Variants in ACVR1 observed in about 807,000 individuals in gnomAD.
ACVR1 encodes activin A receptor type 1.
In ACVR1, 38 loss-of-function variants were observed where a neutral mutation model predicts 57.1. The ratio of observed to expected loss-of-function variants is 0.67; its 90% confidence interval spans 0.51 to 0.87. ACVR1 has a LOEUF of 0.87. Among genes scored for constraint, ACVR1 ranks in the 40% least tolerant of loss-of-function variants. The pLI, the probability that ACVR1 is intolerant of heterozygous loss-of-function variation, is 0.00. For missense variants in ACVR1, 463 were observed against 638.2 expected (o/e 0.73, Z 2.96); for synonymous variants, 212 against 228.1 (o/e 0.93, Z 0.63).
intron 3 of ACVR1, 94 bp downstream of exon 3, chr2:157,799,333 T>G (rs1404346439): frequency 2.4e-6 from 2 of 833,838 alleles, no homozygotes; most frequent in East Asian, 5.1e-5. Context: ...AAAGAGTGTT[T>G]TAAGTTTGAT....
chr2:157,815,888 C>CA (rs1302258364), intron 2 of ACVR1, among the ~76,000 whole-genome samples: 2 of 152,168 alleles, frequency 1.3e-5, no homozygotes, highest in Non-Finnish European at 2.9e-5. Context: ...CCAATGTCAA[C>CA]AGTCATGGCC....
intron 1 of ACVR1, among the ~76,000 whole-genome samples, chr2:157,854,215 AAAG>A (rs1021786140): frequency 7.2e-5 from 11 of 152,072 alleles, no homozygotes; most frequent in South Asian, 2.1e-4. Context: ...AAAAAAAAAA[AAAG>A]AAGCATTTTT....
intron 1 of ACVR1, among the ~76,000 whole-genome samples, chr2:157,855,754 T>C (rs1341597217): frequency 6.6e-6 from 1 of 152,114 alleles, no homozygotes; most frequent in Non-Finnish European, 1.5e-5. Context: ...GTCATTACTG[T>C]CTGAATTATA....
chr2:157,749,670 G>A (rs542471436), intron 9 of ACVR1, among the ~76,000 whole-genome samples: 4 of 152,332 alleles, frequency 2.6e-5, no homozygotes, highest in South Asian at 2.1e-4. Flanking sequence ...ATACGGACCA[G>A]TCCACCTACT....
chr2:157,764,488 G>T (rs1439373170), intron 8 of ACVR1, among the ~76,000 whole-genome samples: 1 of 151,220 alleles, frequency 6.6e-6, no homozygotes, highest in East Asian at 1.9e-4. Context: ...GATTACAAGC[G>T]TGAGCCACCG....
At chr2:157,875,271 A>C (rs1397948311) in intron 1 of ACVR1, among the ~76,000 whole-genome samples, 1 of 152,210 alleles carries the variant, frequency 6.6e-6, no homozygotes, top group Non-Finnish European at 1.5e-5. Context: ...TTGAAACTGC[A>C]GCTAGGAAGA....
intron 1 of ACVR1, among the ~76,000 whole-genome samples, chr2:157,819,229 A>G (rs1688065562): frequency 6.6e-6 from 1 of 152,056 alleles, no homozygotes; most frequent in East Asian, 1.9e-4. Flanking sequence ...TTGACCCTGC[A>G]TGTACTATTG....
intron 7 of ACVR1, among the ~76,000 whole-genome samples, 197 bp downstream of exon 7, chr2:157,770,169 CAG>C (rs538255454): frequency 2.0e-5 from 3 of 152,110 alleles, no homozygotes; most frequent in Non-Finnish European, 4.4e-5. Context: ...TTTCATCATC[CAG>C]AGAGTCTTAA....
chr2:157,871,611 G>A (rs1225183954), intron 1 of ACVR1, among the ~76,000 whole-genome samples: 1 of 152,204 alleles, frequency 6.6e-6, no homozygotes, highest in Non-Finnish European at 1.5e-5. Context: ...TGGAATGTTG[G>A]TCAGAGAGTG....
chr2:157,855,269 AGTGTGTGTGT>A (rs532193935), intron 1 of ACVR1, among the ~76,000 whole-genome samples: 9,206 of 85,076 alleles, frequency 0.11, 644 homozygotes, highest in East Asian at 0.26. Context: ...AAAAAAAAAA[AGTGTGTGTGT>A]GTGTGTGTGT....
chr2:157,853,297 A>C (rs141189218), intron 1 of ACVR1, among the ~76,000 whole-genome samples: 90 of 152,324 alleles, frequency 5.9e-4, no homozygotes, highest in African/African-American at 2.0e-3. Context: ...GCCTAGTGTC[A>C]GGTTCTAGTG....
At position 157,865,636 on chromosome 2, in the gene ACVR1, T is replaced by C. The variant is rs1232312348; in HGVS notation, c.-183+10160A>G. On this transcript the variant is annotated intron_variant, in intron 1 of 10. Coordinates refer to ENST00000434821, the MANE Select transcript of ACVR1 (RefSeq NM_001111067.4). The stretch of plus-strand genomic sequence containing the variant: ...GAGAAACCCTGTCTCTACTTAAAAA[T>C]AAAAAATTAGCCGGGCGTGGTGGCG... 2.6e-5 allele frequency among the ~76,000 whole-genome samples: 4 copies of C among 151,378 alleles called. No homozygotes were observed. The East Asian group carries it at 7.8e-4, about 29-fold the overall frequency.
At chr2:157,812,346 A>G (rs371148491) in intron 2 of ACVR1, among the ~76,000 whole-genome samples, 2 of 152,354 alleles carry the variant, frequency 1.3e-5, no homozygotes, top group Admixed American at 6.5e-5. Flanking sequence ...CCCCAGGTTT[A>G]AGAGACTTAC....
At chr2:157,830,478 G>T (rs16842128) in intron 1 of ACVR1, among the ~76,000 whole-genome samples, 2,744 of 152,102 alleles carry the variant, frequency 0.018, 78 homozygotes, top group African/African-American at 0.06. Context: ...AACTACCAAC[G>T]TTTCTGATTT....
intron 2 of ACVR1, among the ~76,000 whole-genome samples, chr2:157,803,517 T>C (rs1009612034): frequency 6.6e-6 from 1 of 152,210 alleles, no homozygotes; most frequent in African/African-American, 2.4e-5. Flanking sequence ...ATTTCAATTA[T>C]AAGAAACATC....
Position 157,799,460 on chromosome 2 carries a change from T to A in ACVR1, c.34A>T (p.Ile12Phe). The A allele has an allele frequency of 6.2e-7, 1 of 1,612,536 alleles. No individual in the cohort carries two copies. Among genetic ancestry groups the A allele is most frequent in the South Asian group, 1.1e-5 (1 of 91,040 alleles). ...CTAGGGGAGGGGAGAGCAATCATGA[T>A]AAGCACAGGAAGAATCATCACTCCA... ...VDGVMILPVLIMIALPSPSME... is the reference protein window; with the variant it reads ...VDGVMILPVLFMIALPSPSME... Residue 12 changes from isoleucine to phenylalanine, a missense_variant, in exon 3 of 11, where the codon ATC (isoleucine) becomes TTC (phenylalanine). Physicochemically the swap from Ile to Phe is conservative, Grantham distance 21 (BLOSUM62 0). Transcript: ENST00000434821.
rs1690300696 is a variant in ACVR1 at position 157,876,306 on chromosome 2, G to A, written c.-693C>T. 6.7e-6 allele frequency among the ~76,000 whole-genome samples: 1 copy of A among 148,752 alleles called. No individual in the cohort carries two copies. The highest frequency in any genetic ancestry group is 2.1e-4 in the South Asian group (1 of 4,694). On this transcript the variant is annotated 5_prime_UTR_variant, in exon 1 of 11. Transcript: ENST00000434821. ...CCCCCTGCGCCGAGGGGGAGGCTGC[G>A]GCGGCGGCGGCGGCTGCAAAGAGCA...
At chr2:157,834,629 C>A (rs1190138855) in intron 1 of ACVR1, among the ~76,000 whole-genome samples, 1 of 152,106 alleles carries the variant, frequency 6.6e-6, no homozygotes, top group African/African-American at 2.4e-5. Flanking sequence ...TGAATTCATG[C>A]AGATGTATAT....
At chr2:157,815,470 C>G (rs1287739655) in intron 2 of ACVR1, among the ~76,000 whole-genome samples, 1 of 152,142 alleles carries the variant, frequency 6.6e-6, no homozygotes, top group Non-Finnish European at 1.5e-5. Context: ...ACACCAGATA[C>G]CGGAAAACTT....
Sources: allele counts gnomAD v4.1 joint callset (sites outside exome capture counted in the v4.1 genomes callset), GRCh38; gene constraint gnomAD v4.1.1; transcripts MANE v1.5; gene names NCBI Gene and HGNC (gene_info 2026-07-23, HGNC 2026-07-21).